Variants in CLIC5 observed in about 807,000 individuals in gnomAD.
CLIC5 encodes the protein CLIC family member 5.
A neutral mutation model predicts 24.7 loss-of-function variants in CLIC5; 20 were observed. The observed-to-expected ratio is 0.81, with a 90% confidence interval of 0.57 to 1.18. The LOEUF is 1.18. Among genes scored for constraint, CLIC5 ranks in the 50% most tolerant of loss-of-function variants. The probability of loss-of-function intolerance (pLI) is 0.00; values close to 1 mark genes in which losing one functional copy is unlikely to be tolerated. For missense variants in CLIC5, 341 were observed against 326.1 expected, an observed-to-expected ratio of 1.05 and a Z score of -0.35; for synonymous variants, 159 against 135.6, an observed-to-expected ratio of 1.17 and a Z score of -1.20.
chr6:46,075,945 G>C (rs1189625096), intron 1 of CLIC5, among the ~76,000 whole-genome samples: 1 of 152,002 alleles, frequency 6.6e-6, no homozygotes, highest in Non-Finnish European at 1.5e-5. Flanking sequence ...AAAATGCTTG[G>C]GCTTTCCCTT....
At chr6:45,989,917 C>T (rs1159898963) in intron 1 of CLIC5, among the ~76,000 whole-genome samples, 4 of 152,144 alleles carry the variant, frequency 2.6e-5, no homozygotes, top group Non-Finnish European at 5.9e-5. Context: ...CACATCCATG[C>T]ACTCTCTCCA....
upstream of CLIC5, among the ~76,000 whole-genome samples, chr6:46,083,773 T>C (rs575798459): frequency 5.5e-4 from 83 of 152,134 alleles, no homozygotes; most frequent in African/African-American, 1.9e-3. Context: ...TGGAGAGTTC[T>C]GTAGATGTCT....
intron 1 of CLIC5, among the ~76,000 whole-genome samples, chr6:46,010,431 C>T (rs574353440): frequency 9.2e-5 from 14 of 152,322 alleles, no homozygotes; most frequent in African/African-American, 3.1e-4. Flanking sequence ...GGCCAACACA[C>T]TGGTGAACCC....
At chr6:46,033,662 A>G (rs1224371146) in intron 1 of CLIC5, among the ~76,000 whole-genome samples, 1 of 152,190 alleles carries the variant, frequency 6.6e-6, no homozygotes, top group Admixed American at 6.5e-5. Context: ...CAGAGCAGAG[A>G]GAAGAAACAC....
At chr6:45,918,975 C>T (rs1486685661) in intron 4 of CLIC5, 2 of 985,306 alleles carry the variant, frequency 2.0e-6, no homozygotes, top group Admixed American at 6.1e-5. Context: ...CATAGCTGGT[C>T]CTTAAACCAT....
chr6:46,000,086 T>C (rs1224958254), intron 1 of CLIC5, among the ~76,000 whole-genome samples: 2 of 152,204 alleles, frequency 1.3e-5, no homozygotes, highest in African/African-American at 4.8e-5. Context: ...TTCTGTTATC[T>C]CCTTACTGTA....
intron 1 of CLIC5, among the ~76,000 whole-genome samples, chr6:45,997,512 G>GA (rs201284615): frequency 0.01 from 1,324 of 130,246 alleles, 10 homozygotes; most frequent in African/African-American, 0.023. Context: ...AATAATAAAA[G>GA]AAAAAAAAAA....
chr6:45,975,602 A>G (rs1169711408), intron 1 of CLIC5, among the ~76,000 whole-genome samples: 2 of 152,122 alleles, frequency 1.3e-5, no homozygotes, highest in Admixed American at 1.3e-4. Context: ...ATGGACATTT[A>G]TTTTAAATAT....
At chr6:45,971,058 T>G (rs574344734) in intron 1 of CLIC5, among the ~76,000 whole-genome samples, 1 of 152,338 alleles carries the variant, frequency 6.6e-6, no homozygotes, top group South Asian at 2.1e-4. Flanking sequence ...GTACAGAAAT[T>G]GTTCTTTTTC....
rs1766973475 is a variant in CLIC5 at position 46,015,569 on chromosome 6, CG to C, written c.-28del. On this transcript the variant is annotated 5_prime_UTR_variant, in exon 1 of 6. Coordinates refer to ENST00000339561, the MANE Select transcript of CLIC5 (RefSeq NM_016929.5). ...CCGTTGGCGCCCGGGGCTACCGTCC[CG>C]GGCCGGGGAGGCGCCACCTCTGCAG... 6.5e-7 allele frequency: 1 copy of C among 1,549,266 alleles called. No individual in the cohort carries two copies. The highest frequency in any genetic ancestry group is 2.5e-5 in the East Asian group (1 of 39,698).
chr6:46,054,633 G>A (rs1373964099), intron 1 of CLIC5, among the ~76,000 whole-genome samples: 1 of 152,184 alleles, frequency 6.6e-6, no homozygotes, highest in Non-Finnish European at 1.5e-5. Context: ...TATATTTGGA[G>A]TTGGGGCCTC....
At chr6:46,015,952 G>A, upstream of CLIC5, 2 of 969,864 alleles carry the variant, frequency 2.1e-6, no homozygotes, top group Non-Finnish European at 2.5e-6. Flanking sequence ...CCGGCAGCTC[G>A]GGCCTGGGCC....
intron 1 of CLIC5, among the ~76,000 whole-genome samples, chr6:46,048,617 C>G (rs1190748912): frequency 6.6e-6 from 1 of 152,170 alleles, no homozygotes; most frequent in African/African-American, 2.4e-5. Flanking sequence ...CTCCCACCTC[C>G]TCATCAACCC....
chr6:45,895,184 G>A (rs942243945), downstream of CLIC5, among the ~76,000 whole-genome samples: 1 of 151,846 alleles, frequency 6.6e-6, no homozygotes, highest in Non-Finnish European at 1.5e-5. Flanking sequence ...ACCTATATGC[G>A]GAAAAAAGAT....
chr6:46,051,289 G>T (rs565736428), intron 1 of CLIC5, among the ~76,000 whole-genome samples: 8 of 152,310 alleles, frequency 5.3e-5, no homozygotes, highest in Admixed American at 4.6e-4. Flanking sequence ...CCAGGAACTT[G>T]GAGACCTGCT....
At chr6:45,947,266 G>C (rs137857324) in intron 3 of CLIC5, among the ~76,000 whole-genome samples, 1 of 152,224 alleles carries the variant, frequency 6.6e-6, no homozygotes, top group Non-Finnish European at 1.5e-5. Context: ...GAAAGGCACA[G>C]TTGCACTGGG....
intron 1 of CLIC5, among the ~76,000 whole-genome samples, chr6:45,982,206 A>G (rs948453284): frequency 1.3e-5 from 2 of 152,066 alleles, no homozygotes; most frequent in African/African-American, 2.4e-5. Context: ...ACACCTAACC[A>G]TGCAGGGGCT....
the CLIC5 span, among the ~76,000 whole-genome samples, chr6:46,109,980 C>A: frequency 6.6e-6 from 1 of 152,108 alleles, no homozygotes; most frequent in East Asian, 1.9e-4. Flanking sequence ...CCACCATAAT[C>A]TAAGCCCAGG....
chr6:45,956,702 C>T (rs2396580), intron 1 of CLIC5, among the ~76,000 whole-genome samples: 131,864 of 152,128 alleles, frequency 0.87, 57,623 homozygotes, highest in Non-Finnish European at 0.9. Context: ...GTGTTGGCTG[C>T]ATGTAATTGC....
Sources: gnomAD v4.1 joint callset for allele counts (sites outside exome capture counted in the v4.1 genomes callset) on GRCh38, gnomAD v4.1.1 for gene constraint, MANE v1.5 for transcripts, NCBI Gene and HGNC (gene_info 2026-07-23, HGNC 2026-07-21) for gene names.